Variants in PPFIA1 observed in about 807,000 individuals in gnomAD.
PPFIA1 encodes liprin-alpha-1.
A neutral mutation model predicts 149.9 loss-of-function variants in PPFIA1; 25 were observed. The observed-to-expected ratio is 0.17, with a 90% CI of 0.12 to 0.23. The LOEUF is 0.23. PPFIA1 is among the 10% of genes least tolerant of loss of function. The probability of loss-of-function intolerance (pLI) is 1.00; values close to 1 mark genes in which losing one functional copy is unlikely to be tolerated. For synonymous variants in PPFIA1, 549 were observed against 552.8 expected, an observed-to-expected ratio of 0.99 and a Z score of 0.10; for missense variants, 1,362 against 1,506.5, an observed-to-expected ratio of 0.90 and a Z score of 1.59.
intron 19 of PPFIA1, among the ~76,000 whole-genome samples, chr11:70,356,895 G>T (rs1211528498): frequency 1.3e-5 from 2 of 152,188 alleles, no homozygotes; most frequent in Non-Finnish European, 2.9e-5. Context: ...TCTAAACTAA[G>T]TCTGCTTCTG....
intron 2 of PPFIA1, among the ~76,000 whole-genome samples, chr11:70,292,529 A>G (rs1157177889): frequency 6.6e-6 from 1 of 152,190 alleles, no homozygotes; most frequent in African/African-American, 2.4e-5. Flanking sequence ...AATTAGAGAT[A>G]ATAATCATTT....
At chr11:70,346,624 G>A (rs971593325) in intron 15 of PPFIA1, among the ~76,000 whole-genome samples, 12 of 152,248 alleles carry the variant, frequency 7.9e-5, no homozygotes, top group African/African-American at 2.2e-4. Flanking sequence ...GTGTGATGAA[G>A]CGTTCAGAAA....
At chr11:70,329,908 A>G (rs1011616995) in intron 7 of PPFIA1, 2 of 363,256 alleles carry the variant, frequency 5.5e-6, no homozygotes, top group Non-Finnish European at 9.9e-6. Flanking sequence ...ATCCTAGGTG[A>G]TAGAGGGAGA....
intron 18 of PPFIA1, 101 bp from the exon 19 acceptor site, chr11:70,356,060 T>G: frequency 9.1e-7 from 1 of 1,100,874 alleles, no homozygotes. Context: ...CCTTAAGAAA[T>G]GATTTAAATC....
chr11:70,368,765 C>T lies in PPFIA1; in HGVS notation c.2866-3450C>T, dbSNP rs187567501. On this transcript the variant is annotated intron_variant, in intron 21 of 27. Coordinates refer to ENST00000253925, the MANE Select transcript of PPFIA1 (RefSeq NM_003626.5). ...TATTCTGATAGCTATTTTGTAGATT[C>T]CTTTTCTACACTGATAATTTTGTCA... Among the ~76,000 whole-genome samples the T allele has an allele frequency of 1.9e-3, 286 of 152,252 alleles. 2 individuals carry two copies. Among genetic ancestry groups the T allele is most frequent in the African/African-American group, 6.7e-3 (280 of 41,550 alleles).
chr11:70,342,188 G>A (rs1204248982), intron 14 of PPFIA1: 1 of 152,536 alleles, frequency 6.6e-6, no homozygotes, highest in Non-Finnish European at 1.5e-5. Flanking sequence ...GGACGAGCTA[G>A]TGGAACTTGC....
chr11:70,350,018 C>G (rs1459545944), intron 16 of PPFIA1: 1 of 448,554 alleles, frequency 2.2e-6, no homozygotes, highest in Non-Finnish European at 4.5e-6. Context: ...CATGCTATAG[C>G]GATTCTTCAC....
rs1330040756 is a variant in PPFIA1, at chr11:70,272,291, T to C, written c.119T>C (p.Met40Thr). Residue 40 changes from methionine to threonine, a missense_variant, in exon 2 of 28, where the codon ATG becomes ACG. By Grantham distance (81) the Met-to-Thr change is moderately conservative (BLOSUM62 -1). Around this residue, in one of 7 missense-constraint regions of PPFIA1, gnomAD observed 100 missense variants for 106.2 expected, o/e 0.94. Coordinates refer to ENST00000253925, the MANE Select transcript of PPFIA1 (RefSeq NM_003626.5). ...GCAGATTCACATTTTGAACAGTTGATGGTCTCCATGCTAGAAGAAAGGGAC... is the reference window on the plus strand; with the variant it reads ...GCAGATTCACATTTTGAACAGTTGACGGTCTCCATGCTAGAAGAAAGGGAC... ...PDADSHFEQLMVSMLEERDRL... is the reference protein window; with the variant it reads ...PDADSHFEQLTVSMLEERDRL... The C allele has an allele frequency of 2.5e-6, 4 of 1,614,200 alleles. No homozygotes were observed. The highest frequency in any genetic ancestry group is 3.4e-6 in the Non-Finnish European group (4 of 1,180,046).
At chr11:70,372,447 T>A (rs2057312502) in intron 22 of PPFIA1, 30 bp from the exon 23 acceptor site, 1 of 1,612,330 alleles carries the variant, frequency 6.2e-7, no homozygotes. Flanking sequence ...TGTTACCATC[T>A]CTAAATCATC....
At chr11:70,338,815 G>A (rs1332665866) in intron 13 of PPFIA1, among the ~76,000 whole-genome samples, 6 of 152,256 alleles carry the variant, frequency 3.9e-5, no homozygotes, top group Admixed American at 6.5e-5. Flanking sequence ...CAGCAGTGGC[G>A]TGTGGCTGTG....
In PPFIA1 at chr11:70,383,235, C is replaced by G. The variant is rs777307468; in HGVS notation, c.*245C>G. ...TTATGACTCTTCATTTATATAGTTA[C>G]TTACTTTTTCATGTATATCCAGGCT... On this transcript the variant is annotated 3_prime_UTR_variant, in exon 28 of 28. Transcript: ENST00000253925. 4 of 291,908 alleles carry G rather than the reference C, an allele frequency of 1.4e-5. No individual in the cohort carries two copies. Among genetic ancestry groups the G allele is most frequent in the Non-Finnish European group, 2.5e-5 (4 of 157,038 alleles). The allele number at this position is 291,908 out of a possible 1,614,324, so 18.1% of individuals were successfully genotyped here.
intron 10 of PPFIA1, 88 bp downstream of exon 10, chr11:70,333,641 T>G: frequency 9.9e-7 from 1 of 1,007,692 alleles, no homozygotes; most frequent in South Asian, 1.4e-5. Context: ...CTCCCACCCC[T>G]GACTGAGATG....
intron 16 of PPFIA1, among the ~76,000 whole-genome samples, chr11:70,352,538 G>A (rs1381644514): frequency 1.3e-5 from 2 of 152,058 alleles, no homozygotes; most frequent in Admixed American, 1.3e-4. Flanking sequence ...CCTAGGCCTC[G>A]GGTGGTTGTG....
intron 2 of PPFIA1, among the ~76,000 whole-genome samples, chr11:70,304,566 C>A (rs1171996004): frequency 6.6e-6 from 1 of 152,178 alleles, no homozygotes; most frequent in Non-Finnish European, 1.5e-5. Flanking sequence ...AGAAGGGTAT[C>A]ATGGGAACCC....
intron 14 of PPFIA1, among the ~76,000 whole-genome samples, chr11:70,339,851 C>T (rs1174983055): frequency 6.6e-6 from 1 of 152,014 alleles, no homozygotes; most frequent in Non-Finnish European, 1.5e-5. Context: ...CCCGTCTCTA[C>T]TAAAAATACA....
intron 21 of PPFIA1, chr11:70,365,104 C>T (rs1038068742): frequency 7.3e-5 from 13 of 178,578 alleles, no homozygotes; most frequent in Middle Eastern, 2.5e-3. Flanking sequence ...AAGTACACAA[C>T]GTGTTTTCTT....
intron 19 of PPFIA1, among the ~76,000 whole-genome samples, chr11:70,356,981 G>C (rs557893864): frequency 6.6e-6 from 1 of 152,204 alleles, no homozygotes; most frequent in Non-Finnish European, 1.5e-5. Flanking sequence ...TGAGGACGTG[G>C]AGGAATCGGG....
intron 2 of PPFIA1, among the ~76,000 whole-genome samples, chr11:70,292,370 C>G (rs1423008951): frequency 6.6e-6 from 1 of 152,210 alleles, no homozygotes; most frequent in Admixed American, 6.5e-5. Flanking sequence ...TGTGGATTCC[C>G]ACATTGGAGC....
At position 70,383,080 on chromosome 11, in the gene PPFIA1, CTT is replaced by C. The variant is rs900300823; in HGVS notation, c.*92_*93del. 4.8e-6 allele frequency: 2 copies of C among 414,082 alleles called. No homozygotes were observed. Among genetic ancestry groups the C allele is most frequent in the Non-Finnish European group, 9.3e-6 (2 of 214,354 alleles). The allele number at this position is 414,082 out of a possible 1,614,324, so 25.7% of individuals were successfully genotyped here. On this transcript the variant is annotated 3_prime_UTR_variant, in exon 28 of 28. Transcript: ENST00000253925. Reference sequence around the variant, plus strand: ...ACTACATTTTGGAATCCAGTGGAATCTTTAATCTTGTTAATACTTGTTATATG... The same window carrying C: ...ACTACATTTTGGAATCCAGTGGAATCTAATCTTGTTAATACTTGTTATATG...
Sources: gnomAD v4.1 joint callset for allele counts (sites outside exome capture counted in the v4.1 genomes callset) on GRCh38, gnomAD v4.1.1 for gene constraint, gnomAD v4.1.1 regional missense constraint, MANE v1.5 for transcripts, NCBI Gene and HGNC (gene_info 2026-07-23, HGNC 2026-07-21) for gene names.